The following RIMS1 variants were observed in gnomAD, a reference collection of about 807,000 sequenced individuals.
RIMS1 encodes regulating synaptic membrane exocytosis protein 1.
A neutral mutation model predicts 214.1 loss-of-function variants in RIMS1; 83 were observed. The observed-to-expected ratio is 0.39, with a 90% CI of 0.32 to 0.47. The LOEUF is 0.47. Ranked by LOEUF, RIMS1 falls within the 20% of genes least tolerant of loss-of-function variation. The pLI, the probability that RIMS1 is intolerant of heterozygous loss-of-function variation, is 0.99. For missense variants in RIMS1, 2,050 were observed against 2,161.8 expected (o/e 0.95, Z 1.03); for synonymous variants, 793 against 786.8 (o/e 1.01, Z -0.13).
Position 72,161,177 on chromosome 6 carries a change from G to A in RIMS1, c.472-18398G>A, listed in dbSNP as rs1362377520. On this transcript the variant is annotated intron_variant, in intron 4 of 33. Coordinates refer to ENST00000521978, the MANE Select transcript of RIMS1 (RefSeq NM_014989.7). Reference sequence around the variant, plus strand: ...AGATTTTCTAGTTTATTTGCATAGAGGTGTGTATAGTATTCTCTGATGGTA... The same window carrying A: ...AGATTTTCTAGTTTATTTGCATAGAAGTGTGTATAGTATTCTCTGATGGTA... Among the ~76,000 whole-genome samples, 10 of 140,806 alleles carry A rather than the reference G, an allele frequency of 7.1e-5. 3 individuals carry two copies. The Admixed American group carries it at 7.3e-4, about 10-fold the overall frequency. The allele number at this position is 140,806 out of a possible 152,430, so 92.4% of individuals were successfully genotyped here. A position where few individuals can be genotyped will look rare whatever the true frequency, so the allele number is the denominator to read the frequency against.
chr6:72,292,817 C>G (rs550288909), intron 26 of RIMS1, among the ~76,000 whole-genome samples: 22 of 152,122 alleles, frequency 1.4e-4, no homozygotes, highest in African/African-American at 5.3e-4. Flanking sequence ...AAAATAATTT[C>G]TACTTTGGGA....
chr6:72,397,440 C>T (rs1267396852), intron 31 of RIMS1, among the ~76,000 whole-genome samples: 1 of 151,964 alleles, frequency 6.6e-6, no homozygotes, highest in Non-Finnish European at 1.5e-5. Flanking sequence ...ATTGCTAATA[C>T]CAATGTTAGA....
At chr6:72,129,890 A>C (rs2040178846) in intron 4 of RIMS1, among the ~76,000 whole-genome samples, 1 of 152,116 alleles carries the variant, frequency 6.6e-6, no homozygotes, top group Admixed American at 6.6e-5. Context: ...CACAGTGCAA[A>C]ACTAGATCAT....
intron 3 of RIMS1, 73 bp from the exon 4 acceptor site, chr6:72,099,902 T>TA: frequency 1.6e-6 from 2 of 1,213,148 alleles, no homozygotes; most frequent in Non-Finnish European, 2.4e-6. Flanking sequence ...AATTTATTAA[T>TA]ACATGGCTCA....
rs75761857 is a variant in RIMS1, at chr6:72,173,431, C to T, written c.472-6144C>T. ...CATATTTTGTTCTTTTTTTCTAGAACTTTTATCTCATGTTTTTTATTTCAT... is the reference window on the plus strand; with the variant it reads ...CATATTTTGTTCTTTTTTTCTAGAATTTTTATCTCATGTTTTTTATTTCAT... On this transcript the variant is annotated intron_variant, in intron 4 of 33. Transcript: ENST00000521978. Among the ~76,000 whole-genome samples the T allele has an allele frequency of 4.1e-3, 623 of 151,688 alleles. 5 individuals carry two copies. Among genetic ancestry groups the T allele is most frequent in the Non-Finnish European group, 7.0e-3 (478 of 67,856 alleles).
intron 2 of RIMS1, among the ~76,000 whole-genome samples, chr6:72,081,668 T>C (rs1188758484): frequency 6.6e-6 from 1 of 151,930 alleles, no homozygotes; most frequent in Non-Finnish European, 1.5e-5. Context: ...TAAACAGTGG[T>C]AGGGGTTCTG....
chr6:72,031,708 A>G (rs16882030), intron 2 of RIMS1, among the ~76,000 whole-genome samples: 1,848 of 152,260 alleles, frequency 0.012, 44 homozygotes, highest in African/African-American at 0.041. Context: ...GAATGTCAGT[A>G]TGATTCATTT....
At chr6:72,024,900 G>GTTTTTTTTTTTTTTTTTTTTTTTTTT (rs777214787) in intron 2 of RIMS1, among the ~76,000 whole-genome samples, 4 of 98,666 alleles carry the variant, frequency 4.1e-5, no homozygotes, top group African/African-American at 1.5e-4. Context: ...AAATCTGTGG[G>GTTTTTTTTTTTTTTTTTTTTTTTTTT]TTTTTTTTTT....
chr6:71,949,807 G>C (rs552369443), intron 1 of RIMS1, among the ~76,000 whole-genome samples: 8 of 152,274 alleles, frequency 5.3e-5, no homozygotes, highest in African/African-American at 1.9e-4. Flanking sequence ...CAGTTTGACA[G>C]TTTCTTATAA....
chr6:72,364,956 G>A (rs1013277573), intron 29 of RIMS1, among the ~76,000 whole-genome samples: 1 of 152,208 alleles, frequency 6.6e-6, no homozygotes, highest in Non-Finnish European at 1.5e-5. Flanking sequence ...GCAGAGGGTT[G>A]GAGGTGCTTC....
chr6:72,242,699 T>C (rs1394726499), intron 10 of RIMS1, among the ~76,000 whole-genome samples: 2 of 151,858 alleles, frequency 1.3e-5, no homozygotes, highest in South Asian at 2.1e-4. Flanking sequence ...AAGTGAAATA[T>C]AAAGTAAAAT....
intron 2 of RIMS1, among the ~76,000 whole-genome samples, chr6:72,058,786 G>T (rs1827064180): frequency 6.6e-6 from 1 of 152,140 alleles, no homozygotes; most frequent in African/African-American, 2.4e-5. Flanking sequence ...ACATGAACAT[G>T]AGAAACACAA....
chr6:72,318,549 G>C (rs1410236104), intron 28 of RIMS1, among the ~76,000 whole-genome samples: 7 of 151,904 alleles, frequency 4.6e-5, no homozygotes, highest in Non-Finnish European at 1.0e-4. Flanking sequence ...TCCCCTTATT[G>C]CATGTTATTT....
At chr6:71,948,402 G>A (rs1044332428) in intron 1 of RIMS1, among the ~76,000 whole-genome samples, 4 of 152,260 alleles carry the variant, frequency 2.6e-5, no homozygotes, top group African/African-American at 9.6e-5. Context: ...GAAGCACTTA[G>A]GAGGCAGTGT....
At chr6:72,074,128 G>C (rs1831219237) in intron 2 of RIMS1, among the ~76,000 whole-genome samples, 1 of 152,076 alleles carries the variant, frequency 6.6e-6, no homozygotes, top group South Asian at 2.1e-4. Context: ...TTTCTGGTAA[G>C]GGAGTAGGAC....
At chr6:71,891,025 T>C (rs1769676883) in intron 1 of RIMS1, among the ~76,000 whole-genome samples, 1 of 152,230 alleles carries the variant, frequency 6.6e-6, no homozygotes, top group Non-Finnish European at 1.5e-5. Flanking sequence ...ATTTCATTTA[T>C]ATTTTCTTTA....
chr6:71,984,513 A>G (rs1407815976), intron 2 of RIMS1, among the ~76,000 whole-genome samples: 1 of 152,226 alleles, frequency 6.6e-6, no homozygotes, highest in Non-Finnish European at 1.5e-5. Context: ...CAAGCCCTCA[A>G]CACGTTAAAC....
chr6:72,228,042 A>C (rs1253989668), intron 6 of RIMS1, among the ~76,000 whole-genome samples: 2 of 151,918 alleles, frequency 1.3e-5, no homozygotes, highest in Non-Finnish European at 2.9e-5. Flanking sequence ...TATACAACTT[A>C]ATGAGTTTGG....
chr6:72,182,833 T>C lies in RIMS1; in HGVS notation c.1362T>C (p.His454=), dbSNP rs758749274. 91 of 1,551,632 alleles carry C rather than the reference T, an allele frequency of 5.9e-5. No individual in the cohort carries two copies. In the African/African-American group the frequency reaches 1.2e-3, roughly 20 times the overall value. The change falls in exon 6 of 34, where the codon CAT becomes CAC. Residue 454 remains histidine, a synonymous_variant. Coordinates refer to ENST00000521978, the MANE Select transcript of RIMS1 (RefSeq NM_014989.7). ...LTNHSPPAPR[H]GPVPAEAPEL... is the part of the protein sequence containing the mutation. Reference sequence around the variant, plus strand: ...ACCACAGCCCGCCGGCGCCCAGACATGGGCCGGTTCCCGCAGAAGCCCCGG... The same window carrying C: ...ACCACAGCCCGCCGGCGCCCAGACACGGGCCGGTTCCCGCAGAAGCCCCGG...
Sources: allele counts gnomAD v4.1 joint callset (sites outside exome capture counted in the v4.1 genomes callset), GRCh38; gene constraint gnomAD v4.1.1; transcripts MANE v1.5; gene names NCBI Gene and HGNC (gene_info 2026-07-23, HGNC 2026-07-21).